DOCK9: variants seen among roughly 807,000 people sequenced by gnomAD.
The protein encoded by DOCK9 is dedicator of cytokinesis 9, also known as dedicator of cytokinesis protein 9.
In DOCK9, 89 loss-of-function variants were observed where a neutral mutation model predicts 263.3. The ratio of observed to expected loss-of-function variants is 0.34; its 90% CI spans 0.28 to 0.40. The LOEUF (loss-of-function observed/expected upper bound fraction) is 0.40. Ranked by LOEUF, DOCK9 falls within the 10% of genes least tolerant of loss-of-function variation. The pLI, the probability that DOCK9 is intolerant of heterozygous loss-of-function variation, is 1.00. For missense variants in DOCK9, 2,140 were observed against 2,603.4 expected (o/e 0.82, Z 3.87); for synonymous variants, 976 against 973.1 (o/e 1.00, Z -0.06).
intron 1 of DOCK9, among the ~76,000 whole-genome samples, chr13:99,008,279 C>T (rs1883832305): frequency 6.9e-6 from 1 of 145,544 alleles, no homozygotes; most frequent in Admixed American, 7.0e-5. Flanking sequence ...GTCCCCCAGG[C>T]TGAAGTGCAA....
intron 1 of DOCK9, among the ~76,000 whole-genome samples, chr13:99,028,304 G>A (rs767660): frequency 6.6e-6 from 1 of 151,846 alleles, no homozygotes; most frequent in Admixed American, 6.6e-5. Flanking sequence ...AAAGAGTCAG[G>A]AAGGACCACG....
intron 1 of DOCK9, among the ~76,000 whole-genome samples, chr13:99,031,497 A>G (rs564826500): frequency 6.6e-6 from 1 of 152,266 alleles, no homozygotes; most frequent in South Asian, 2.1e-4. Flanking sequence ...GTATTTACAC[A>G]CATAAGATTC....
chr13:99,029,859 C>T (rs1166379864), intron 1 of DOCK9, among the ~76,000 whole-genome samples: 2 of 152,316 alleles, frequency 1.3e-5, no homozygotes, highest in Non-Finnish European at 2.9e-5. Context: ...TTATTCATGA[C>T]AGCCAAAAAC....
chr13:98,895,396 G>A (rs2047264699), intron 15 of DOCK9, among the ~76,000 whole-genome samples: 1 of 152,264 alleles, frequency 6.6e-6, no homozygotes, highest in Admixed American at 6.5e-5. Flanking sequence ...GCTGGGCACG[G>A]TGGCTCATGC....
chr13:99,038,823 G>A (rs1048524328), intron 1 of DOCK9, among the ~76,000 whole-genome samples: 4 of 152,126 alleles, frequency 2.6e-5, no homozygotes, highest in African/African-American at 9.7e-5. Context: ...AAGTTATTGA[G>A]CATTTGTGGA....
intron 1 of DOCK9, among the ~76,000 whole-genome samples, chr13:99,079,726 C>T (rs1490588373): frequency 2.0e-4 from 30 of 152,222 alleles, no homozygotes; most frequent in Non-Finnish European, 5.9e-5. Flanking sequence ...TGGTTTCTTC[C>T]TGAAATTTCA....
chr13:98,824,646 G>A (rs923657478), intron 44 of DOCK9, 142 bp from the exon 45 acceptor site: 19 of 669,120 alleles, frequency 2.8e-5, no homozygotes, highest in Admixed American at 2.6e-4. Context: ...CAGCATTCAC[G>A]GGGGTACCTG....
intron 45 of DOCK9, among the ~76,000 whole-genome samples, chr13:98,814,493 C>T (rs565870307): frequency 5.9e-5 from 9 of 151,328 alleles, no homozygotes; most frequent in Non-Finnish European, 8.8e-5. Context: ...GCAACCTCCA[C>T]CTCCCGGATT....
intron 1 of DOCK9, among the ~76,000 whole-genome samples, chr13:99,013,306 G>T (rs900693266): frequency 2.0e-5 from 3 of 152,062 alleles, no homozygotes; most frequent in African/African-American, 7.2e-5. Flanking sequence ...GTAGAAACGA[G>T]GTCTTGCTAT....
intron 15 of DOCK9, among the ~76,000 whole-genome samples, chr13:98,890,188 C>A (rs189108205): frequency 2.6e-5 from 4 of 152,268 alleles, no homozygotes; most frequent in South Asian, 4.1e-4. Flanking sequence ...AATATTTAAT[C>A]AGCATGTTAT....
chr13:98,858,193 A>G (rs1309294434), intron 33 of DOCK9: 6 of 152,330 alleles, frequency 3.9e-5, no homozygotes, highest in Middle Eastern at 3.4e-3. Context: ...GGCCCAGTGC[A>G]TAGCTTTTAA....
chr13:98,795,928 T>C (rs2089329500), intron 52 of DOCK9, among the ~76,000 whole-genome samples: 1 of 152,104 alleles, frequency 6.6e-6, no homozygotes, highest in African/African-American at 2.4e-5. Context: ...CAGCTAATTT[T>C]TGTATTTTTT....
rs78977328 is a variant in DOCK9 at position 98,797,238 on chromosome 13, A to G, written c.6033T>C (p.Ala2011=). The part of the protein sequence containing the change: ...LKEVFRQFVE[A]CGQALAVNER... The stretch of plus-strand genomic sequence containing the variant: ...CGTTTACCGCTAAGGCTTGACCGCA[A>G]GCTTCCACAAATTGCCTGGAATGGT... Residue 2011 remains alanine (A), a synonymous_variant, in exon 52 of 53, where the codon GCT becomes GCC. Coordinates refer to ENST00000682017, the MANE Select transcript of DOCK9 (RefSeq NM_001366683.2). 6.6e-5 allele frequency: 106 copies of G among 1,613,966 alleles called. No homozygotes were observed. In the East Asian group the frequency reaches 2.3e-3, roughly 35 times the overall value.
chr13:98,922,956 T>G (rs2052306977), intron 5 of DOCK9, among the ~76,000 whole-genome samples: 1 of 152,198 alleles, frequency 6.6e-6, no homozygotes, highest in South Asian at 2.1e-4. Flanking sequence ...TTAAATCTAC[T>G]GGCTGGCAGC....
At chr13:98,954,984 A>AG (rs548968393) in intron 2 of DOCK9, among the ~76,000 whole-genome samples, 114 of 152,230 alleles carry the variant, frequency 7.5e-4, no homozygotes, top group African/African-American at 2.6e-3. Flanking sequence ...ATATAAAATA[A>AG]CTTTTCTTTC....
intron 17 of DOCK9, 65 bp downstream of exon 17, chr13:98,888,295 C>T (rs2046109338): frequency 1.2e-6 from 2 of 1,602,474 alleles, no homozygotes; most frequent in South Asian, 1.1e-5. Context: ...TATAAAAGAA[C>T]ATGGGACGCT....
chr13:99,020,655 C>A (rs146189981), intron 1 of DOCK9, among the ~76,000 whole-genome samples: 1 of 152,116 alleles, frequency 6.6e-6, no homozygotes, highest in African/African-American at 2.4e-5. Flanking sequence ...GATTGGTAGA[C>A]GTATTTACTA....
At chr13:98,827,800 C>T (rs2092605477) in intron 43 of DOCK9, among the ~76,000 whole-genome samples, 1 of 152,224 alleles carries the variant, frequency 6.6e-6, no homozygotes, top group East Asian at 1.9e-4. Context: ...TGACGGGTTA[C>T]TGAGCACACA....
At chr13:98,816,990 A>G (rs942783179) in intron 45 of DOCK9, among the ~76,000 whole-genome samples, 2 of 152,186 alleles carry the variant, frequency 1.3e-5, no homozygotes, top group African/African-American at 2.4e-5. Flanking sequence ...ATTTTATGAG[A>G]CATAAAAACA....
Sources: gnomAD v4.1 joint callset for allele counts (sites outside exome capture counted in the v4.1 genomes callset) on GRCh38, gnomAD v4.1.1 for gene constraint, MANE v1.5 for transcripts, NCBI Gene and HGNC (gene_info 2026-07-23, HGNC 2026-07-21) for gene names.